Variants in FGFR1 observed in about 807,000 individuals in gnomAD.
The protein encoded by FGFR1 is fibroblast growth factor receptor 1.
FGFR1 carries 18 observed loss-of-function variants against 93.7 expected under a neutral mutation model. That is an observed-to-expected ratio of 0.19 (90% CI 0.13 to 0.28). The LOEUF is 0.28. Ranked by LOEUF, FGFR1 falls within the 10% of genes least tolerant of loss-of-function variation. The pLI, the probability that FGFR1 is intolerant of heterozygous loss-of-function variation, is 1.00. For synonymous variants in FGFR1, 448 were observed against 429.3 expected (o/e 1.04, Z -0.54); for missense variants, 731 against 1,080.4 (o/e 0.68, Z 4.53).
At chr8:38,434,166 T>C (rs1586455416) in intron 2 of FGFR1, among the ~76,000 whole-genome samples, 2 of 152,208 alleles carry the variant, frequency 1.3e-5, no homozygotes, top group African/African-American at 4.8e-5. Flanking sequence ...AATTGACAGA[T>C]ATTGGGTATA....
At chr8:38,457,844 G>A (rs533698383) in intron 1 of FGFR1, among the ~76,000 whole-genome samples, 63 of 152,222 alleles carry the variant, frequency 4.1e-4, no homozygotes, top group Non-Finnish European at 6.9e-4. Context: ...TTACCCAGGC[G>A]TGGTGGCGCG....
intron 10 of FGFR1, 98 bp from the exon 11 acceptor site, chr8:38,418,089 G>T (rs998662749): frequency 6.2e-7 from 1 of 1,607,360 alleles, no homozygotes; most frequent in Non-Finnish European, 8.5e-7. Context: ...ACCCAACTGC[G>T]AGCAGAAAGT....
intron 6 of FGFR1, among the ~76,000 whole-genome samples, chr8:38,425,716 C>T (rs1190924486): frequency 6.6e-6 from 1 of 152,156 alleles, no homozygotes; most frequent in Non-Finnish European, 1.5e-5. Context: ...CGCCTGTGCT[C>T]CTGTGCAGGG....
chr8:38,442,973 T>TA (rs1196213327), intron 2 of FGFR1, among the ~76,000 whole-genome samples: 1 of 152,218 alleles, frequency 6.6e-6, no homozygotes, highest in East Asian at 1.9e-4. Context: ...ATGGGCTTCA[T>TA]AAAGTTACTT....
intron 3 of FGFR1, 101 bp from the exon 4 acceptor site, chr8:38,428,536 G>T (rs1448157149): frequency 1.6e-5 from 14 of 865,906 alleles, no homozygotes; most frequent in Admixed American, 1.4e-4. Flanking sequence ...TCCCCATGGG[G>T]ATCCCAGTCC....
At chr8:38,421,190 C>T (rs1476762113) in intron 8 of FGFR1, among the ~76,000 whole-genome samples, 1 of 152,216 alleles carries the variant, frequency 6.6e-6, no homozygotes, top group African/African-American at 2.4e-5. Flanking sequence ...ACGCAGACCT[C>T]CCCTCTTGGG....
Position 38,429,837 on chromosome 8 carries a change from C to T in FGFR1, c.203G>A (p.Arg68Gln), listed in dbSNP as rs1358163666. The T allele has an allele frequency of 1.9e-6, 3 of 1,613,990 alleles. No individual in the cohort carries two copies. Among genetic ancestry groups the T allele is most frequent in the East Asian group, 2.2e-5 (1 of 44,850 alleles). ...GCTTTCCGCCAGCTGCACCCCGTCC[C>T]GCAGCCAGTTGATGCTCTGCACATC... ...RDDVQSINWLRDGVQLAESNR... is the reference protein window; with the variant it reads ...RDDVQSINWLQDGVQLAESNR... Residue 68 changes from arginine (R) to glutamine (Q), a missense_variant, in exon 3 of 18, where the codon CGG becomes CAG. Physicochemically the swap from Arg to Gln is conservative, Grantham distance 43. This residue lies in a region of FGFR1 where 212 missense variants were observed against 205.8 expected (regional missense o/e 1.03). Transcript: ENST00000447712. The surrounding 1 kb of genome is among the most constrained non-coding windows in gnomAD (Gnocchi z 4.4).
chr8:38,447,638 T>C (rs955222528), intron 2 of FGFR1, among the ~76,000 whole-genome samples: 1 of 152,138 alleles, frequency 6.6e-6, no homozygotes, highest in Non-Finnish European at 1.5e-5. Context: ...GCCGCCATCA[T>C]GACCGGCTAA....
intron 3 of FGFR1, chr8:38,428,839 C>T (rs753487354): frequency 9.6e-6 from 3 of 313,214 alleles, no homozygotes; most frequent in Non-Finnish European, 1.8e-5. Context: ...TGGCTAGATG[C>T]TATTTCCAAA....
At chr8:38,422,906 G>T in intron 7 of FGFR1, 1 of 640,212 alleles carries the variant, frequency 1.6e-6, no homozygotes. Flanking sequence ...CCATGGCTCT[G>T]GGCACTAGAA....
intron 9 of FGFR1, 93 bp from the exon 10 acceptor site, chr8:38,418,466 G>T: frequency 7.1e-7 from 1 of 1,400,300 alleles, no homozygotes; most frequent in Non-Finnish European, 9.9e-7. Flanking sequence ...AATGGCAGAG[G>T]CACATGTCTG....
chr8:38,448,349 G>A (rs1461683367), intron 2 of FGFR1, among the ~76,000 whole-genome samples: 2 of 149,466 alleles, frequency 1.3e-5, no homozygotes, highest in East Asian at 2.0e-4. Flanking sequence ...GTGCGATCTC[G>A]GCTCACTGCA....
At chr8:38,414,448 T>C in intron 15 of FGFR1, 111 bp downstream of exon 15, 1 of 1,542,718 alleles carries the variant, frequency 6.5e-7, no homozygotes. Context: ...ATGTTTTGTT[T>C]TTCTCTCTGG....
At chr8:38,461,302 T>C (rs898150136) in intron 1 of FGFR1, 44 of 605,268 alleles carry the variant, frequency 7.3e-5, no homozygotes, top group Middle Eastern at 4.1e-4. Context: ...CCAAAAATTA[T>C]GTAAGGAAAA....
Position 38,424,052 on chromosome 8 carries a change from T to C in FGFR1, c.936+457A>G, listed in dbSNP as rs1279640566. The C allele has an allele frequency of 3.6e-6, 1 of 275,556 alleles. No homozygotes were observed. The allele number at this position is 275,556 out of a possible 1,614,324, so 17.1% of individuals were successfully genotyped here. On this transcript the variant is annotated intron_variant, in intron 7 of 17. Transcript: ENST00000447712. This position sits in a 1 kb window ranked among gnomAD's most constrained non-coding sequence, Gnocchi z 4.3. ...CTCCTCGTCCTCATATGGCTTAGAATTTATATATGGCATTTGTTTTTCCAA... is the reference window on the plus strand; with the variant it reads ...CTCCTCGTCCTCATATGGCTTAGAACTTATATATGGCATTTGTTTTTCCAA...
intron 2 of FGFR1, among the ~76,000 whole-genome samples, chr8:38,432,694 C>G (rs1306906499): frequency 6.6e-6 from 1 of 152,152 alleles, no homozygotes; most frequent in Non-Finnish European, 1.5e-5. Flanking sequence ...TGGCGCCCAG[C>G]CGGGATAATC....
chr8:38,457,520 C>T lies in FGFR1; in HGVS notation c.-74G>A, dbSNP rs1445177402. 6.2e-7 allele frequency: 1 copy of T among 1,600,354 alleles called. No homozygotes were observed. The highest frequency in any genetic ancestry group is 8.5e-7 in the Non-Finnish European group (1 of 1,174,014). ...ATACTCCACAGTGAGCTCGATCCTC[C>T]TTTTCAAACTGACCCTGAGGAAAGG... On this transcript the variant is annotated 5_prime_UTR_variant, in exon 2 of 18. Coordinates refer to ENST00000447712, the MANE Select transcript of FGFR1 (RefSeq NM_023110.3).
intron 2 of FGFR1, among the ~76,000 whole-genome samples, chr8:38,439,558 C>T (rs910770315): frequency 2.6e-5 from 4 of 152,184 alleles, no homozygotes; most frequent in Admixed American, 1.3e-4. Flanking sequence ...CTGACTGCTC[C>T]AGACCCCCAA....
chr8:38,412,936 G>A lies in FGFR1; in HGVS notation c.*692C>T, dbSNP rs1031355889. ...ACCCGATGGGTAAATCTCTGGTAACGACCCTTTTAAAAAGACATGTAAATA... is the reference window on the plus strand; with the variant it reads ...ACCCGATGGGTAAATCTCTGGTAACAACCCTTTTAAAAAGACATGTAAATA... On this transcript the variant is annotated 3_prime_UTR_variant, in exon 18 of 18. Coordinates refer to ENST00000447712, the MANE Select transcript of FGFR1 (RefSeq NM_023110.3). The A allele has an allele frequency of 8.6e-6, 2 of 233,276 alleles. No homozygotes were observed. The highest frequency in any genetic ancestry group is 8.5e-6 in the Non-Finnish European group (1 of 117,922). The allele number at this position is 233,276 out of a possible 1,614,324, so 14.5% of individuals were successfully genotyped here.
Sources: gnomAD v4.1 joint callset for allele counts (sites outside exome capture counted in the v4.1 genomes callset) on GRCh38, gnomAD v4.1.1 for gene constraint, gnomAD v4.1.1 regional missense constraint, Gnocchi (gnomAD v3.1) non-coding constraint, MANE v1.5 for transcripts, NCBI Gene and HGNC (gene_info 2026-07-23, HGNC 2026-07-21) for gene names.